Variants in ATP6V1C1 observed in about 807,000 individuals in gnomAD.
ATP6V1C1 encodes V-type proton ATPase subunit C 1.
Under a neutral mutation model 53.9 loss-of-function variants are expected in ATP6V1C1, and 45 were observed. The observed-to-expected ratio is 0.83, with a 90% CI of 0.66 to 1.07. The LOEUF (loss-of-function observed/expected upper bound fraction) is 1.07, where lower values mean the gene tolerates loss of function less well. Ranked by LOEUF, ATP6V1C1 falls within the 50% of genes least tolerant of loss-of-function variation. The pLI, the probability that ATP6V1C1 is intolerant of heterozygous loss-of-function variation, is 0.00. For synonymous variants in ATP6V1C1, 153 were observed against 155.2 expected, an observed-to-expected ratio of 0.99 and a Z score of 0.11; for missense variants, 315 against 440.3, an observed-to-expected ratio of 0.72 and a Z score of 2.55.
At chr8:103,062,171 T>G (rs948955317) in intron 8 of ATP6V1C1, among the ~76,000 whole-genome samples, 3 of 130,516 alleles carry the variant, frequency 2.3e-5, no homozygotes, top group East Asian at 2.2e-4. Context: ...GTTTTTTTTT[T>G]TTTTTTTTTT....
intron 3 of ATP6V1C1, among the ~76,000 whole-genome samples, chr8:103,046,112 C>A (rs1233138988): frequency 1.3e-5 from 2 of 152,030 alleles, no homozygotes; most frequent in African/African-American, 4.8e-5. Context: ...TTTATTTATA[C>A]CCTTATTAGT....
chr8:103,022,224 G>A (rs1347839868), intron 1 of ATP6V1C1, among the ~76,000 whole-genome samples: 1 of 152,152 alleles, frequency 6.6e-6, no homozygotes, highest in East Asian at 1.9e-4. Context: ...GATTTGAACA[G>A]GTTGAGAGAA....
chr8:103,035,138 A>G (rs1281770269), intron 1 of ATP6V1C1, among the ~76,000 whole-genome samples: 1 of 152,024 alleles, frequency 6.6e-6, no homozygotes, highest in Non-Finnish European at 1.5e-5. Context: ...TCTTTTTTAT[A>G]TTTTTGACTT....
chr8:103,032,121 T>G (rs926029281), intron 1 of ATP6V1C1, among the ~76,000 whole-genome samples: 82 of 151,922 alleles, frequency 5.4e-4, no homozygotes, highest in Non-Finnish European at 9.7e-4. Context: ...TGAGAGAAAA[T>G]ATGTAAATAT....
chr8:103,068,527 AT>A (rs762623130), intron 12 of ATP6V1C1, 124 bp from the exon 13 acceptor site: 42 of 579,350 alleles, frequency 7.2e-5, no homozygotes, highest in Admixed American at 3.9e-5. Flanking sequence ...ACTCAGATAA[AT>A]TAGCCTTAAG....
Position 103,048,638 on chromosome 8 carries a change from T to C in ATP6V1C1, c.201-232T>C, listed in dbSNP as rs78328706. Among the ~76,000 whole-genome samples the C allele has an allele frequency of 3.1e-3, 468 of 152,344 alleles. 7 individuals are homozygous for C. The highest frequency in any genetic ancestry group is 0.011 in the African/African-American group (452 of 41,580). On this transcript the variant is annotated intron_variant, in intron 3 of 12. Coordinates refer to ENST00000518738, the MANE Select transcript of ATP6V1C1 (RefSeq NM_001695.5). ...TTTCTAGACTAGGAGACACATTGCA[T>C]GTAGTCTCCTTAAAACCCTACAGTT...
chr8:103,048,560 T>C (rs557768773), intron 3 of ATP6V1C1, among the ~76,000 whole-genome samples: 1 of 152,302 alleles, frequency 6.6e-6, no homozygotes, highest in African/African-American at 2.4e-5. Flanking sequence ...TTTCTTGGCA[T>C]ATAAATATAT....
At chr8:103,066,176 ATATAT>A in intron 11 of ATP6V1C1, 140 bp from the exon 12 acceptor site, 1 of 965,916 alleles carries the variant, frequency 1.0e-6, no homozygotes, top group East Asian at 2.9e-5. Context: ...CAGTTTCTAT[ATATAT>A]TAGTTGAACT....
chr8:103,022,772 G>C (rs757120486), intron 1 of ATP6V1C1, among the ~76,000 whole-genome samples: 22 of 152,148 alleles, frequency 1.4e-4, no homozygotes, highest in Admixed American at 4.6e-4. Context: ...TTCCAGGCCT[G>C]GCAGGGTGGC....
In ATP6V1C1 at chr8:103,053,885, G is replaced by T. The variant is rs749548885; in HGVS notation, c.475G>T (p.Gly159Ter). 2.5e-6 allele frequency: 4 copies of T among 1,608,818 alleles called. No homozygotes were observed. The highest frequency in any genetic ancestry group is 3.4e-6 in the Non-Finnish European group (4 of 1,176,872). Residue 159 changes from glycine to a stop codon, truncating the protein, a stop_gained and splice_region_variant, in exon 7 of 13, where the codon GGA becomes TGA. Transcript: ENST00000518738. LOFTEE classifies it high-confidence loss of function. The part of the protein sequence containing the change: ...NLQNLERKNA[G>*]SLLTRSLAEI... ...TAATGATTTGTTTTAATTCCTCAGA[G>T]GAAGTTTGCTAACTAGAAGTCTAGC... is the stretch of plus-strand genomic sequence containing the variant.
chr8:103,029,546 G>T (rs1816756668), intron 1 of ATP6V1C1, among the ~76,000 whole-genome samples: 1 of 152,056 alleles, frequency 6.6e-6, no homozygotes, highest in African/African-American at 2.4e-5. Flanking sequence ...GGGATTACAG[G>T]CATGAGCCAC....
intron 1 of ATP6V1C1, among the ~76,000 whole-genome samples, chr8:103,039,856 C>G (rs1816965117): frequency 6.6e-6 from 1 of 151,924 alleles, no homozygotes; most frequent in African/African-American, 2.4e-5. Context: ...TTAACGCCAC[C>G]CTCTCAGCTC....
At chr8:103,053,535 G>A (rs1287773183) in intron 6 of ATP6V1C1, among the ~76,000 whole-genome samples, 1 of 151,956 alleles carries the variant, frequency 6.6e-6, no homozygotes, top group East Asian at 1.9e-4. Context: ...ATTGTGCTTA[G>A]ATGACATAGT....
At chr8:103,042,920 A>G (rs1184765049) in intron 3 of ATP6V1C1, among the ~76,000 whole-genome samples, 1 of 152,202 alleles carries the variant, frequency 6.6e-6, no homozygotes, top group Non-Finnish European at 1.5e-5. Flanking sequence ...AGTTGCATGT[A>G]TCAGTATTTC....
At chr8:103,064,294 T>C (rs1817452098) in intron 10 of ATP6V1C1, among the ~76,000 whole-genome samples, 1 of 152,214 alleles carries the variant, frequency 6.6e-6, no homozygotes, top group Admixed American at 6.5e-5. Context: ...CCTACATAAC[T>C]GTTTATCTTT....
At chr8:103,045,951 G>T (rs1173540073) in intron 3 of ATP6V1C1, among the ~76,000 whole-genome samples, 1 of 149,946 alleles carries the variant, frequency 6.7e-6, no homozygotes, top group Non-Finnish European at 1.5e-5. Flanking sequence ...AAAAAAAAAA[G>T]AAAAGAAAAA....
At chr8:103,052,500 G>A (rs1817217965) in intron 5 of ATP6V1C1, among the ~76,000 whole-genome samples, 1 of 151,940 alleles carries the variant, frequency 6.6e-6, no homozygotes, top group African/African-American at 2.4e-5. Context: ...AATACATGTG[G>A]ACTAAAACAT....
chr8:103,047,973 T>C (rs1817134670), intron 3 of ATP6V1C1, among the ~76,000 whole-genome samples: 1 of 152,212 alleles, frequency 6.6e-6, no homozygotes, highest in South Asian at 2.1e-4. Context: ...TTTGGATCTT[T>C]CCAATGAGAT....
Position 103,069,989 on chromosome 8 carries a change from C to T in ATP6V1C1, c.*1242C>T, listed in dbSNP as rs1194271380. ...TCCCAAGGGAAGTTTATGTATTTTT[C>T]TAGGCCCTTTTCTATGTCTTTACAT... On this transcript the variant is annotated 3_prime_UTR_variant, in exon 13 of 13. Transcript: ENST00000518738. 7 of 152,304 alleles carry T rather than the reference C, an allele frequency of 4.6e-5. No individual in the cohort carries two copies. The highest frequency in any genetic ancestry group is 4.6e-4 in the Admixed American group (7 of 15,296). The allele number at this position is 152,304 out of a possible 1,614,324, so 9.4% of individuals were successfully genotyped here. A position where few individuals can be genotyped will look rare whatever the true frequency, so the allele number is the denominator to read the frequency against.
Sources: gnomAD v4.1 joint callset for allele counts (sites outside exome capture counted in the v4.1 genomes callset) on GRCh38, gnomAD v4.1.1 for gene constraint, MANE v1.5 for transcripts, NCBI Gene and HGNC (gene_info 2026-07-23, HGNC 2026-07-21) for gene names.